Variants in YEATS2 observed in about 807,000 individuals in gnomAD.
YEATS2 encodes YEATS domain containing 2, also known as YEATS domain-containing protein 2.
Under a neutral mutation model 163.2 loss-of-function variants are expected in YEATS2, and 77 were observed. That is an observed-to-expected ratio of 0.47 (90% CI 0.39 to 0.57). The LOEUF is 0.57. YEATS2 is among the 20% of genes least tolerant of loss of function. The pLI, the probability that YEATS2 is intolerant of heterozygous loss-of-function variation, is 0.00. For missense variants in YEATS2, 1,549 were observed against 1,729.8 expected, an observed-to-expected ratio of 0.90 and a Z score of 1.85; for synonymous variants, 631 against 645.1, an observed-to-expected ratio of 0.98 and a Z score of 0.33.
At chr3:183,803,582 C>T (rs775332830) in intron 26 of YEATS2, 7 of 554,398 alleles carry the variant, frequency 1.3e-5, no homozygotes, top group South Asian at 2.1e-5. Flanking sequence ...TAAATGAACT[C>T]GAGTATTGAG....
At chr3:183,776,239 C>G in intron 18 of YEATS2, 116 bp downstream of exon 18, 4 of 1,064,994 alleles carry the variant, frequency 3.8e-6, no homozygotes, top group African/African-American at 1.6e-5. Context: ...ACACCTTAAC[C>G]GTGTTATCTA....
chr3:183,780,518 G>T (rs958262460), intron 19 of YEATS2, among the ~76,000 whole-genome samples: 6 of 152,158 alleles, frequency 3.9e-5, no homozygotes, highest in Non-Finnish European at 8.8e-5. Flanking sequence ...ACTAGTTTTT[G>T]AACACAACCA....
intron 21 of YEATS2, among the ~76,000 whole-genome samples, chr3:183,795,537 C>T (rs914277489): frequency 6.7e-6 from 1 of 148,240 alleles, no homozygotes; most frequent in African/African-American, 2.5e-5. Flanking sequence ...CTGGCCTCAA[C>T]CAGTCCTCCC....
At chr3:183,744,063 G>A (rs938338721) in intron 8 of YEATS2, among the ~76,000 whole-genome samples, 3 of 144,660 alleles carry the variant, frequency 2.1e-5, no homozygotes, top group African/African-American at 5.1e-5. Context: ...AAGGGGCAGA[G>A]TACTGTCCTG....
intron 8 of YEATS2, among the ~76,000 whole-genome samples, chr3:183,740,695 A>G (rs1439777212): frequency 6.6e-6 from 1 of 152,232 alleles, no homozygotes; most frequent in Non-Finnish European, 1.5e-5. Flanking sequence ...CCGTCTCCAT[A>G]ACATACAGTT....
At chr3:183,714,557 C>T (rs1038001949) in intron 1 of YEATS2, among the ~76,000 whole-genome samples, 4 of 151,744 alleles carry the variant, frequency 2.6e-5, no homozygotes, top group African/African-American at 9.7e-5. Context: ...GCTTGTTTAC[C>T]GTATTGCAGA....
intron 30 of YEATS2, chr3:183,810,268 T>A (rs1726662848): frequency 3.9e-6 from 2 of 507,726 alleles, no homozygotes; most frequent in South Asian, 5.0e-5. Flanking sequence ...TTTTCCTAAT[T>A]ATTCAACCAA....
chr3:183,711,954 G>T (rs1470495807), intron 1 of YEATS2, among the ~76,000 whole-genome samples: 1 of 151,452 alleles, frequency 6.6e-6, no homozygotes, highest in Admixed American at 6.6e-5. Flanking sequence ...TGAGTAGCTG[G>T]GATTACAGGC....
At chr3:183,712,226 T>TTATGTTATTTTATTTTATGTTA (rs1715341898) in intron 1 of YEATS2, among the ~76,000 whole-genome samples, 1 of 147,126 alleles carries the variant, frequency 6.8e-6, no homozygotes, top group Non-Finnish European at 1.5e-5. Context: ...TATTTTATTT[T>TTATGTTATTTTATTTTATGTTA]TTGAGACAGA....
chr3:183,753,339 A>G (rs1720382911), intron 10 of YEATS2, among the ~76,000 whole-genome samples: 1 of 152,198 alleles, frequency 6.6e-6, no homozygotes, highest in Admixed American at 6.5e-5. Flanking sequence ...TTGATCTTAA[A>G]TGTTTTATTT....
chr3:183,736,903 G>T, intron 8 of YEATS2, 74 bp downstream of exon 8: 1 of 1,320,748 alleles, frequency 7.6e-7, no homozygotes, highest in Non-Finnish European at 1.1e-6. Flanking sequence ...TGAATAGCAT[G>T]GCGGTTAAGG....
chr3:183,776,228 A>G (rs1722985532), intron 18 of YEATS2, 105 bp downstream of exon 18: 2 of 1,132,260 alleles, frequency 1.8e-6, no homozygotes, highest in Admixed American at 5.8e-5. Flanking sequence ...GTTCAATACT[A>G]ACACCTTAAC....
At position 183,728,773 on chromosome 3, in the gene YEATS2, C is replaced by CCAGCA. The variant is rs1229747933; in HGVS notation, c.735_739dup (p.Ile247ThrfsTer33). ...TATGTCCGAGGGTCCCGTAGAGAAC[C>CCAGCA]CAGCATTAATCATTTTGTCAAGAAG... is the stretch of plus-strand genomic sequence containing the variant. On this transcript the variant is annotated frameshift_variant, in exon 7 of 31. Coordinates refer to ENST00000305135, the MANE Select transcript of YEATS2 (RefSeq NM_018023.5). LOFTEE classifies it high-confidence loss of function. 1.9e-6 allele frequency: 3 copies of CCAGCA among 1,614,094 alleles called. No individual in the cohort carries two copies. The Admixed American group carries it at 5.0e-5, about 27-fold the overall frequency.
At chr3:183,737,892 G>A (rs568396770) in intron 8 of YEATS2, among the ~76,000 whole-genome samples, 3 of 152,130 alleles carry the variant, frequency 2.0e-5, no homozygotes, top group Non-Finnish European at 4.4e-5. Context: ...AAGATTTGTG[G>A]CAACCCTCTG....
intron 1 of YEATS2, among the ~76,000 whole-genome samples, chr3:183,707,671 C>T (rs1043682988): frequency 6.7e-6 from 1 of 149,452 alleles, no homozygotes; most frequent in Non-Finnish European, 1.5e-5. Flanking sequence ...ACTCCCCTTC[C>T]CCACCTATTT....
chr3:183,697,826 G>GAACGCGCCGGGCGGGCTCC lies in YEATS2; in HGVS notation c.-185_-167dup, dbSNP rs1394015903. 12 of 150,112 alleles carry GAACGCGCCGGGCGGGCTCC rather than the reference G, an allele frequency of 8.0e-5. No homozygotes were observed. Among genetic ancestry groups the GAACGCGCCGGGCGGGCTCC allele is most frequent in the Admixed American group, 3.3e-4 (5 of 15,060 alleles). 9.3% of individuals were successfully genotyped at this position (150,112 alleles called of 1,614,324 possible). ...CGCCCAGCTGCTGACGTGCGGGGCG[G>GAACGCGCCGGGCGGGCTCC]AACGCGCCGGGCGGGCTCCACCGCG... On this transcript the variant is annotated 5_prime_UTR_variant, in exon 1 of 31. Coordinates refer to ENST00000305135, the MANE Select transcript of YEATS2 (RefSeq NM_018023.5).
chr3:183,795,649 G>A (rs148281062), intron 21 of YEATS2, among the ~76,000 whole-genome samples: 2 of 151,766 alleles, frequency 1.3e-5, no homozygotes, highest in African/African-American at 2.4e-5. Flanking sequence ...AAAAAGAACC[G>A]ACAGGGATTA....
chr3:183,796,390 C>T (rs916016070), intron 21 of YEATS2, among the ~76,000 whole-genome samples: 2 of 150,854 alleles, frequency 1.3e-5, no homozygotes, highest in African/African-American at 2.4e-5. Flanking sequence ...TTTAAATGGC[C>T]CTCTGAATGC....
At chr3:183,700,840 G>C (rs537183293) in intron 1 of YEATS2, among the ~76,000 whole-genome samples, 77 of 148,674 alleles carry the variant, frequency 5.2e-4, no homozygotes, top group Non-Finnish European at 7.3e-4. Context: ...TATACGAAAT[G>C]TCCAGAAACA....
Sources: gnomAD v4.1 joint callset for allele counts (sites outside exome capture counted in the v4.1 genomes callset) on GRCh38, gnomAD v4.1.1 for gene constraint, MANE v1.5 for transcripts, NCBI Gene and HGNC (gene_info 2026-07-23, HGNC 2026-07-21) for gene names.